BCAR1: variants seen among roughly 807,000 people sequenced by gnomAD.
BCAR1 encodes breast cancer anti-estrogen resistance protein 1.
BCAR1 carries 30 observed loss-of-function variants against 67.6 expected under a neutral mutation model. The ratio of observed to expected loss-of-function variants is 0.44; its 90% confidence interval spans 0.33 to 0.60. BCAR1 has a LOEUF of 0.60. BCAR1 is among the 20% of genes least tolerant of loss of function. The probability of loss-of-function intolerance (pLI) is 0.02; values close to 1 mark genes in which losing one functional copy is unlikely to be tolerated. For missense variants in BCAR1, 1,313 were observed against 1,222.3 expected (o/e 1.07, Z -1.11); for synonymous variants, 626 against 556.7 (o/e 1.12, Z -1.75).
intron 2 of BCAR1, chr16:75,238,806 C>T (rs556942396): frequency 7.3e-5 from 72 of 985,566 alleles, no homozygotes; most frequent in East Asian, 4.5e-4. Flanking sequence ...CTGCCAACAG[C>T]GGGGCAGGCG....
Position 75,235,855 on chromosome 16 carries a change from C to G in BCAR1, c.1044G>C (p.Leu348=). The change falls in exon 5 of 7, where the codon CTG becomes CTC. Residue 348 remains leucine, a synonymous_variant. Coordinates refer to ENST00000162330, the MANE Select transcript of BCAR1 (RefSeq NM_014567.5). ...GCGGGGAGTCTGGAGGGGGCGCAGC[C>G]AGTACCAGTGGGGTGCGGGCCGGGT... ...PFDPARTPLV[L]AAPPPDSPPA... The G allele has an allele frequency of 5.1e-6, 8 of 1,567,914 alleles. No homozygotes were observed. The highest frequency in any genetic ancestry group is 3.5e-6 in the Non-Finnish European group (4 of 1,158,016).
At position 75,248,380 on chromosome 16, in the gene BCAR1, G is replaced by A. The variant is rs1213592121; in HGVS notation, c.12+3091C>T. The A allele has an allele frequency of 4.8e-6, 6 of 1,241,096 alleles. No individual in the cohort carries two copies. In the African/African-American group the frequency reaches 9.2e-5, roughly 19 times the overall value. 76.9% of individuals were successfully genotyped at this position (1,241,096 alleles called of 1,614,324 possible). On this transcript the variant is annotated intron_variant, in intron 1 of 6. Transcript: ENST00000162330. Reference sequence around the variant, plus strand: ...AACTTGGGCCAAGTTTATTTCTGGGGCATTCTATTTGCTTGTCCCAAAGAG... The same window carrying A: ...AACTTGGGCCAAGTTTATTTCTGGGACATTCTATTTGCTTGTCCCAAAGAG...
intron 1 of BCAR1, chr16:75,246,496 T>A (rs2077528115): frequency 6.6e-6 from 1 of 152,176 alleles, no homozygotes; most frequent in Non-Finnish European, 1.5e-5. Flanking sequence ...CCCAAAGAGA[T>A]GACATTCCAC....
At chr16:75,256,640 C>T (rs753449287) in intron 1 of BCAR1, among the ~76,000 whole-genome samples, 12 of 152,182 alleles carry the variant, frequency 7.9e-5, no homozygotes, top group Admixed American at 2.0e-4. Context: ...TCCAAATTAT[C>T]TGGAAATTAA....
chr16:75,231,332 G>A (rs917838921), intron 6 of BCAR1, among the ~76,000 whole-genome samples: 6 of 152,034 alleles, frequency 3.9e-5, no homozygotes, highest in African/African-American at 1.2e-4. Flanking sequence ...TGATCCTCCC[G>A]CCTCTGTCTC....
intron 1 of BCAR1, chr16:75,249,450 CCT>C (rs922971829): frequency 6.6e-6 from 1 of 152,252 alleles, no homozygotes; most frequent in Non-Finnish European, 1.5e-5. Flanking sequence ...AGAGCCCCAC[CCT>C]CTTACACGGA....
At chr16:75,259,931 C>T (rs2081214) in intron 1 of BCAR1, among the ~76,000 whole-genome samples, 15,816 of 151,528 alleles carry the variant, frequency 0.1, 1,074 homozygotes, top group South Asian at 0.17. Flanking sequence ...CAGTGGCCCA[C>T]GCCTGTAATC....
At chr16:75,253,277 G>T (rs1322502849), upstream of BCAR1, among the ~76,000 whole-genome samples, 1 of 152,220 alleles carries the variant, frequency 6.6e-6, no homozygotes, top group Non-Finnish European at 1.5e-5. Flanking sequence ...GAGCAGGTCT[G>T]AACCAGCGGG....
At chr16:75,240,564 C>T (rs189856107) in intron 2 of BCAR1, among the ~76,000 whole-genome samples, 141 of 152,366 alleles carry the variant, frequency 9.3e-4, no homozygotes, top group African/African-American at 3.2e-3. Context: ...AGGGCAGATA[C>T]TAGACAAAAT....
intron 1 of BCAR1, among the ~76,000 whole-genome samples, chr16:75,244,544 G>A (rs932860269): frequency 6.6e-6 from 1 of 152,254 alleles, no homozygotes; most frequent in Non-Finnish European, 1.5e-5. Context: ...GGCCTGGGTA[G>A]GCAGTAGTTG....
intron 1 of BCAR1, chr16:75,248,229 T>C: frequency 6.5e-7 from 1 of 1,529,622 alleles, no homozygotes; most frequent in Non-Finnish European, 8.7e-7. Flanking sequence ...AGAGGAAATG[T>C]CACAGGCCTT....
intron 6 of BCAR1, 47 bp from the exon 7 acceptor site, chr16:75,230,070 TG>T (rs1250049262): frequency 6.6e-7 from 1 of 1,512,204 alleles, no homozygotes. Context: ...TCGGGTGAGT[TG>T]GAACTACAGG....
At chr16:75,257,258 C>A (rs2077799926) in intron 1 of BCAR1, among the ~76,000 whole-genome samples, 1 of 152,168 alleles carries the variant, frequency 6.6e-6, no homozygotes, top group Non-Finnish European at 1.5e-5. Flanking sequence ...TGACTTCACA[C>A]ATCATCTGCT....
At chr16:75,239,420 C>T (rs1382842654) in intron 2 of BCAR1, among the ~76,000 whole-genome samples, 1 of 152,152 alleles carries the variant, frequency 6.6e-6, no homozygotes, top group Non-Finnish European at 1.5e-5. Flanking sequence ...TGCCGCCCCT[C>T]TCCTCCCCTA....
upstream of BCAR1, among the ~76,000 whole-genome samples, chr16:75,255,355 A>G (rs989283857): frequency 1.3e-5 from 2 of 152,170 alleles, no homozygotes; most frequent in Non-Finnish European, 2.9e-5. Flanking sequence ...CCCCAGGAAC[A>G]GGAAGAAACG....
At chr16:75,260,366 C>T (rs1046059842) in intron 1 of BCAR1, among the ~76,000 whole-genome samples, 9 of 151,994 alleles carry the variant, frequency 5.9e-5, no homozygotes, top group African/African-American at 9.7e-5. Context: ...CTGCCAGGCG[C>T]GGTGGCTCAT....
rs369231131 is a variant in BCAR1, at chr16:75,237,049, T to G, written c.796-51A>C. On this transcript the variant is annotated intron_variant, in intron 3 of 6. Coordinates refer to ENST00000162330, the MANE Select transcript of BCAR1 (RefSeq NM_014567.5). ...ACGGCGCCAGGGCCACTTGGGGGAA[T>G]AGGAAAGGTGGGAACCCCGCAGCAC... 1.3e-6 allele frequency: 2 copies of G among 1,540,474 alleles called. 1 individual carries two copies. Among genetic ancestry groups the G allele is most frequent in the South Asian group, 2.5e-5 (2 of 78,468 alleles).
chr16:75,265,569 G>A (rs763719989), intron 1 of BCAR1, among the ~76,000 whole-genome samples: 1 of 151,950 alleles, frequency 6.6e-6, no homozygotes, highest in Non-Finnish European at 1.5e-5. Context: ...TAGCCATCTT[G>A]GGGGGCTCCC....
chr16:75,256,719 C>T (rs1310230213), intron 1 of BCAR1, among the ~76,000 whole-genome samples: 7 of 151,954 alleles, frequency 4.6e-5, no homozygotes, highest in African/African-American at 1.2e-4. Flanking sequence ...CGCCCGAGGC[C>T]GGTGTGAGCC....
Sources: allele counts gnomAD v4.1 joint callset (sites outside exome capture counted in the v4.1 genomes callset), GRCh38; gene constraint gnomAD v4.1.1; transcripts MANE v1.5; gene names NCBI Gene and HGNC (gene_info 2026-07-23, HGNC 2026-07-21).